RBMS3: variants seen among roughly 807,000 people sequenced by gnomAD.
RBMS3 encodes RNA binding motif single stranded interacting protein 3.
RBMS3 carries 27 observed loss-of-function variants against 66.8 expected under a neutral mutation model. That is an observed-to-expected ratio of 0.40 (90% CI 0.30 to 0.56). The LOEUF is 0.56. RBMS3 is among the 20% of genes least tolerant of loss of function. The probability of loss-of-function intolerance (pLI) is 0.40; values close to 1 mark genes in which losing one functional copy is unlikely to be tolerated. For synonymous variants in RBMS3, 188 were observed against 183.0 expected (o/e 1.03, Z -0.22); for missense variants, 513 against 549.5 (o/e 0.93, Z 0.66).
chr3:29,960,867 C>T (rs1428501579), intron 12 of RBMS3, among the ~76,000 whole-genome samples: 1 of 152,060 alleles, frequency 6.6e-6, no homozygotes, highest in Non-Finnish European at 1.5e-5. Flanking sequence ...GACCCTGGGC[C>T]TGGTTCAGGA....
At chr3:29,992,756 G>T (rs544743150) in intron 14 of RBMS3, among the ~76,000 whole-genome samples, 1 of 152,170 alleles carries the variant, frequency 6.6e-6, no homozygotes, top group Non-Finnish European at 1.5e-5. Context: ...AAATTGACAG[G>T]ATTTTTGCTG....
chr3:29,805,998 C>T (rs1230999251), intron 6 of RBMS3, among the ~76,000 whole-genome samples: 1 of 151,990 alleles, frequency 6.6e-6, no homozygotes, highest in African/African-American at 2.4e-5. Context: ...ATTTTTAATA[C>T]TTTGTAACAT....
chr3:29,690,449 T>C (rs1468211000), intron 4 of RBMS3, among the ~76,000 whole-genome samples: 1 of 152,218 alleles, frequency 6.6e-6, no homozygotes, highest in Non-Finnish European at 1.5e-5. Flanking sequence ...AAACAAATGA[T>C]ATATGTATAT....
chr3:29,437,907 C>A (rs185233322), intron 2 of RBMS3, among the ~76,000 whole-genome samples: 1 of 152,272 alleles, frequency 6.6e-6, no homozygotes, highest in East Asian at 1.9e-4. Flanking sequence ...TTTCTCCAAT[C>A]CCCTCGTGCA....
At chr3:29,359,186 T>A (rs541145896) in intron 1 of RBMS3, among the ~76,000 whole-genome samples, 1 of 152,322 alleles carries the variant, frequency 6.6e-6, no homozygotes, top group Non-Finnish European at 1.5e-5. Flanking sequence ...TGCGGGTTTG[T>A]CATAAATAGC....
At chr3:29,703,399 A>G (rs1325106504) in intron 4 of RBMS3, among the ~76,000 whole-genome samples, 2 of 152,206 alleles carry the variant, frequency 1.3e-5, no homozygotes, top group East Asian at 3.9e-4. Context: ...TGTCTATAGG[A>G]AACAATTTGA....
At chr3:29,966,371 G>C (rs531261738) in intron 12 of RBMS3, among the ~76,000 whole-genome samples, 1 of 152,030 alleles carries the variant, frequency 6.6e-6, no homozygotes, top group African/African-American at 2.4e-5. Flanking sequence ...CATTTGTGTC[G>C]TCTATGATTA....
At chr3:29,413,971 A>C (rs2040377461) in intron 1 of RBMS3, among the ~76,000 whole-genome samples, 1 of 152,188 alleles carries the variant, frequency 6.6e-6, no homozygotes. Context: ...ACACATAGAC[A>C]CATCTATGCT....
Position 30,004,167 on chromosome 3 carries a change from A to C in RBMS3, c.*305A>C. The stretch of plus-strand genomic sequence containing the variant: ...GAAGGTTGATATTTTATGTGGAAGA[A>C]CATTTGAATTGAATTCAGAATTTTT... On this transcript the variant is annotated 3_prime_UTR_variant, in exon 15 of 15. Transcript: ENST00000383767. 1 of 244,096 alleles carries C rather than the reference A, an allele frequency of 4.1e-6. No individual in the cohort carries two copies. Among genetic ancestry groups the C allele is most frequent in the Non-Finnish European group, 7.8e-6 (1 of 128,810 alleles). The allele number at this position is 244,096 out of a possible 1,614,324, so 15.1% of individuals were successfully genotyped here.
intron 3 of RBMS3, among the ~76,000 whole-genome samples, chr3:29,509,080 G>A: frequency 6.7e-6 from 1 of 149,642 alleles, no homozygotes; most frequent in Non-Finnish European, 1.5e-5. Context: ...TAAGTTCTTT[G>A]TAGATTCTAG....
intron 12 of RBMS3, among the ~76,000 whole-genome samples, chr3:29,954,960 C>G (rs1695930831): frequency 6.6e-6 from 1 of 151,994 alleles, no homozygotes. Flanking sequence ...CTGATCACTG[C>G]CAGAAAGTAG....
intron 2 of RBMS3, among the ~76,000 whole-genome samples, chr3:29,480,245 C>T (rs2043084408): frequency 2.6e-5 from 4 of 152,162 alleles, no homozygotes; most frequent in Admixed American, 2.0e-4. Context: ...AGCTCATGCC[C>T]AGTCTCAGAC....
intron 6 of RBMS3, among the ~76,000 whole-genome samples, chr3:29,768,464 T>A (rs2056031348): frequency 2.0e-5 from 3 of 151,878 alleles, no homozygotes; most frequent in Admixed American, 2.0e-4. Flanking sequence ...AGTTTCATCT[T>A]CAAAAGAATA....
chr3:29,602,013 A>C (rs2048161751), intron 4 of RBMS3, among the ~76,000 whole-genome samples: 1 of 152,036 alleles, frequency 6.6e-6, no homozygotes, highest in Admixed American at 6.6e-5. Context: ...ATTGTCATTC[A>C]TTTGGACACA....
intron 10 of RBMS3, among the ~76,000 whole-genome samples, chr3:29,923,541 T>C (rs958231641): frequency 1.3e-5 from 2 of 152,186 alleles, no homozygotes; most frequent in African/African-American, 4.8e-5. Flanking sequence ...AGTCACCTGA[T>C]TTTGCTGACC....
chr3:29,775,392 A>C (rs1248922842), intron 6 of RBMS3, among the ~76,000 whole-genome samples: 1 of 151,940 alleles, frequency 6.6e-6, no homozygotes, highest in Non-Finnish European at 1.5e-5. Context: ...ATTAGCAAAT[A>C]GCATATTGTT....
At chr3:29,700,335 T>G (rs1576555838) in intron 4 of RBMS3, among the ~76,000 whole-genome samples, 1 of 152,234 alleles carries the variant, frequency 6.6e-6, no homozygotes, top group East Asian at 1.9e-4. Context: ...CTCTTCCATA[T>G]GTTGCAGAAT....
chr3:29,283,170 C>T (rs1393083196), intron 1 of RBMS3, among the ~76,000 whole-genome samples: 3 of 152,052 alleles, frequency 2.0e-5, no homozygotes, highest in Admixed American at 6.6e-5. Flanking sequence ...ATTTCTCATG[C>T]CTCAACAAAA....
chr3:29,770,515 T>C (rs888179468), intron 6 of RBMS3, among the ~76,000 whole-genome samples: 11 of 151,986 alleles, frequency 7.2e-5, no homozygotes, highest in Non-Finnish European at 2.9e-5. Flanking sequence ...AAAGTAGTTG[T>C]AATTTCATGG....
Sources: gnomAD v4.1 joint callset for allele counts (sites outside exome capture counted in the v4.1 genomes callset) on GRCh38, gnomAD v4.1.1 for gene constraint, MANE v1.5 for transcripts, NCBI Gene and HGNC (gene_info 2026-07-23, HGNC 2026-07-21) for gene names.